Variants in SCFD1 observed in about 807,000 individuals in gnomAD.
SCFD1 encodes sec1 family domain-containing protein 1.
Under a neutral mutation model 103.2 loss-of-function variants are expected in SCFD1, and 37 were observed. The observed-to-expected ratio is 0.36, with a 90% CI of 0.28 to 0.47. SCFD1 has a LOEUF of 0.47. SCFD1 is among the 20% of genes least tolerant of loss of function. SCFD1 has a pLI of 1.00. For missense variants in SCFD1, 639 were observed against 761.2 expected, an observed-to-expected ratio of 0.84 and a Z score of 1.89; for synonymous variants, 264 against 245.0, an observed-to-expected ratio of 1.08 and a Z score of -0.73.
At chr14:30,629,577 ATTT>A (rs571309645) in intron 2 of SCFD1, among the ~76,000 whole-genome samples, 6 of 135,542 alleles carry the variant, frequency 4.4e-5, no homozygotes, top group Admixed American at 7.5e-5. Context: ...TAGGGACTTA[ATTT>A]TTTTTTTTTT....
At chr14:30,635,649 C>T (rs1884647266) in intron 4 of SCFD1, among the ~76,000 whole-genome samples, 1 of 152,036 alleles carries the variant, frequency 6.6e-6, no homozygotes, top group African/African-American at 2.4e-5. Context: ...TTTTATTCAT[C>T]CTTTTACCAC....
At chr14:30,713,206 G>GAAGT (rs1892016511) in intron 19 of SCFD1, among the ~76,000 whole-genome samples, 1 of 152,078 alleles carries the variant, frequency 6.6e-6, no homozygotes. Context: ...GTTGTTTCCT[G>GAAGT]AAGTACTCTT....
chr14:30,677,077 G>A (rs11846420), intron 14 of SCFD1, among the ~76,000 whole-genome samples: 74,978 of 152,068 alleles, frequency 0.49, 21,483 homozygotes, highest in African/African-American at 0.79. Flanking sequence ...AGGGTTGCTA[G>A]TTCTCTGGCA....
At chr14:30,712,936 CTT>C (rs1891993460) in intron 19 of SCFD1, among the ~76,000 whole-genome samples, 1 of 152,128 alleles carries the variant, frequency 6.6e-6, no homozygotes, top group African/African-American at 2.4e-5. Flanking sequence ...AGCACACAGA[CTT>C]TTTATGTTTC....
At position 30,705,771 on chromosome 14, in the gene SCFD1, C is replaced by CCT. The variant is rs377207285; in HGVS notation, c.1491-51_1491-50insTC. ...AGTAGATATTTTAATACCGTGACAC[C>CCT]CAGAGTTAGTTCTAATAATTAGCTT... On this transcript the variant is annotated intron_variant, in intron 17 of 24. Transcript: ENST00000458591. 5.7e-4 allele frequency: 777 copies of CCT among 1,359,534 alleles called. 1 individual carries two copies. In the African/African-American group the frequency reaches 0.01, roughly 18 times the overall value. 84.2% of individuals were successfully genotyped at this position (1,359,534 alleles called of 1,614,324 possible). A position where few individuals can be genotyped will look rare whatever the true frequency, so the allele number is the denominator to read the frequency against.
At chr14:30,665,215 A>G (rs1486956524) in intron 10 of SCFD1, among the ~76,000 whole-genome samples, 11 of 152,256 alleles carry the variant, frequency 7.2e-5, no homozygotes, top group East Asian at 1.9e-4. Context: ...TGTACAAGCA[A>G]GAAGAGAGTG....
At chr14:30,645,896 G>T (rs1373217771) in intron 7 of SCFD1, among the ~76,000 whole-genome samples, 1 of 152,160 alleles carries the variant, frequency 6.6e-6, no homozygotes, top group Non-Finnish European at 1.5e-5. Context: ...TCTTATTCAA[G>T]TTCTCAGGGG....
At chr14:30,649,639 C>T (rs1243062900) in intron 8 of SCFD1, 56 bp downstream of exon 8, 1 of 1,293,148 alleles carries the variant, frequency 7.7e-7, no homozygotes, top group Non-Finnish European at 1.1e-6. Context: ...ATTGTTTTCC[C>T]ACAAGTAACG....
At chr14:30,735,028 GTAA>G (rs1350963993) in intron 24 of SCFD1, 170 bp downstream of exon 24, 37 of 550,584 alleles carry the variant, frequency 6.7e-5, no homozygotes, top group Non-Finnish European at 1.1e-4. Flanking sequence ...ACCTTGATAA[GTAA>G]TAATGTTTCC....
Position 30,622,411 on chromosome 14 carries a change from T to G in SCFD1, c.61+12T>G. 6.4e-7 allele frequency: 1 copy of G among 1,551,688 alleles called. No homozygotes were observed. Among genetic ancestry groups the G allele is most frequent in the South Asian group, 1.2e-5 (1 of 84,076 alleles). On this transcript the variant is annotated intron_variant, in intron 1 of 24. Transcript: ENST00000458591. Reference sequence around the variant, plus strand: ...GGAAAGGCAGACAGGTACTGACTTATTCTCTTCTCCTTGAAGCTTCGTGAC... The same window carrying G: ...GGAAAGGCAGACAGGTACTGACTTAGTCTCTTCTCCTTGAAGCTTCGTGAC...
chr14:30,682,748 G>A lies in SCFD1; in HGVS notation c.1242+7683G>A, dbSNP rs961957223. Among the ~76,000 whole-genome samples, 4 of 152,154 alleles carry A rather than the reference G, an allele frequency of 2.6e-5. 1 individual carries two copies. Among genetic ancestry groups the A allele is most frequent in the Non-Finnish European group, 5.9e-5 (4 of 68,030 alleles). ...AGATGCCAGGAATTAAACATGTGAA[G>A]AAGTAAGAAGAAACAGGAATGGCTA... On this transcript the variant is annotated intron_variant, in intron 14 of 24. Transcript: ENST00000458591.
chr14:30,646,377 T>G (rs934066322), intron 7 of SCFD1, among the ~76,000 whole-genome samples: 11 of 150,136 alleles, frequency 7.3e-5, no homozygotes, highest in African/African-American at 2.8e-4. Flanking sequence ...TCTGTGTCTG[T>G]TGAGATGATC....
At chr14:30,634,751 T>C (rs1481655080) in intron 4 of SCFD1, 4 of 452,906 alleles carry the variant, frequency 8.8e-6, no homozygotes, top group African/African-American at 6.0e-5. Context: ...CATTCGTCTT[T>C]AGTTTGTTGG....
chr14:30,659,173 GT>G (rs542816136), intron 10 of SCFD1, among the ~76,000 whole-genome samples: 4,818 of 116,326 alleles, frequency 0.041, 62 homozygotes, highest in Middle Eastern at 0.058. Context: ...AGCTGCTATA[GT>G]TTTTTTTTTT....
At chr14:30,709,762 G>A (rs147214977) in intron 19 of SCFD1, among the ~76,000 whole-genome samples, 4 of 152,232 alleles carry the variant, frequency 2.6e-5, no homozygotes, top group Non-Finnish European at 4.4e-5. Context: ...CTTATTTATC[G>A]TCAACTGTGG....
In SCFD1 at chr14:30,670,364, G is replaced by T; in HGVS notation, c.964G>T (p.Val322Phe). The T allele has an allele frequency of 6.4e-7, 1 of 1,571,318 alleles. No individual in the cohort carries two copies. The highest frequency in any genetic ancestry group is 1.4e-5 in the African/African-American group (1 of 72,260). ...CAAGAAGTCTTATGATTTAACTCCG[G>T]TTGATAAATTTTGGCAAAAACATAA... ...KNKKSYDLTP[V>F]DKFWQKHKGS... The change falls in exon 11 of 25, where the codon GTT (valine) becomes TTT (phenylalanine). Residue 322 changes from valine to phenylalanine, a missense_variant. Coordinates refer to ENST00000458591, the MANE Select transcript of SCFD1 (RefSeq NM_016106.4).
rs1264869737 is a variant in SCFD1, at chr14:30,734,694, G to T, written c.1837-96G>T. On this transcript the variant is annotated intron_variant, in intron 23 of 24. Transcript: ENST00000458591. The stretch of plus-strand genomic sequence containing the variant: ...CAGTATCCCAAAGAAAGACTGTTAA[G>T]AATAACAAAAAAACTAGCATATTAA... 5 of 952,256 alleles carry T rather than the reference G, an allele frequency of 5.3e-6. No individual in the cohort carries two copies. The African/African-American group carries it at 6.5e-5, about 12-fold the overall frequency. 59.0% of individuals were successfully genotyped at this position (952,256 alleles called of 1,614,324 possible). A position where few individuals can be genotyped will look rare whatever the true frequency, so the allele number is the denominator to read the frequency against.
At position 30,670,282 on chromosome 14, in the gene SCFD1, G is replaced by A; in HGVS notation, c.882G>A (p.Leu294=). Residue 294 remains leucine (L), a synonymous_variant, in exon 11 of 25, where the codon TTG becomes TTA. Transcript: ENST00000458591. ...VLDFHLNRVN[L]EESSGVENSP... is the part of the protein sequence containing the mutation. ...ATTTCCATTTAAACAGGGTTAATTTGGAAGAATCTTCAGGAGTGGAAAACT... is the reference window on the plus strand; with the variant it reads ...ATTTCCATTTAAACAGGGTTAATTTAGAAGAATCTTCAGGAGTGGAAAACT... 6.3e-7 allele frequency: 1 copy of A among 1,591,038 alleles called. No homozygotes were observed. Among genetic ancestry groups the A allele is most frequent in the South Asian group, 1.2e-5 (1 of 86,018 alleles).
intron 6 of SCFD1, among the ~76,000 whole-genome samples, chr14:30,641,445 G>A (rs1177823053): frequency 6.6e-6 from 1 of 152,070 alleles, no homozygotes; most frequent in Non-Finnish European, 1.5e-5. Context: ...GTGGAACTAG[G>A]ATATAGGACT....
Sources: allele counts gnomAD v4.1 joint callset (sites outside exome capture counted in the v4.1 genomes callset), GRCh38; gene constraint gnomAD v4.1.1; transcripts MANE v1.5; gene names NCBI Gene and HGNC (gene_info 2026-07-23, HGNC 2026-07-21).